TTK: variants seen among roughly 807,000 people sequenced by gnomAD.
TTK encodes the protein dual specificity protein kinase TTK.
In TTK, 59 loss-of-function variants were observed where a neutral mutation model predicts 117.3. The observed-to-expected ratio is 0.50, with a 90% CI of 0.41 to 0.62. The LOEUF is 0.62. TTK is among the 20% of genes least tolerant of loss of function. The pLI, the probability that TTK is intolerant of heterozygous loss-of-function variation, is 0.00. For synonymous variants in TTK, 302 were observed against 325.0 expected (o/e 0.93, Z 0.76); for missense variants, 921 against 989.4 (o/e 0.93, Z 0.93).
intron 5 of TTK, among the ~76,000 whole-genome samples, chr6:80,011,194 T>G (rs557550741): frequency 9.9e-5 from 15 of 151,986 alleles, no homozygotes; most frequent in East Asian, 9.6e-4. Flanking sequence ...GAGAATTTTT[T>G]TTTTTTTGCT....
rs200223255 is a variant in TTK, at chr6:80,013,228, AT to A, written c.897-41del. 8.7e-4 allele frequency: 1,211 copies of A among 1,392,112 alleles called. 9 individuals are homozygous for A. The East Asian group carries it at 0.02, about 23-fold the overall frequency. The allele number at this position is 1,392,112 out of a possible 1,614,324, so 86.2% of individuals were successfully genotyped here. ...CTTGAGATGAAAAAATACATTGAAA[AT>A]TTTTTTTTTCAAATTTAATGTTAAA... On this transcript the variant is annotated intron_variant, in intron 8 of 21. Transcript: ENST00000369798.
At chr6:80,015,267 A>G (rs780261212) in intron 10 of TTK, among the ~76,000 whole-genome samples, 6 of 152,228 alleles carry the variant, frequency 3.9e-5, no homozygotes, top group Non-Finnish European at 7.3e-5. Context: ...GAGACTGTCT[A>G]GTTATGCTGC....
At chr6:80,027,188 A>C (rs1237101558) in intron 12 of TTK, among the ~76,000 whole-genome samples, 1 of 152,198 alleles carries the variant, frequency 6.6e-6, no homozygotes, top group Non-Finnish European at 1.5e-5. Context: ...TTTCATTTTC[A>C]TAATGTAATC....
intron 12 of TTK, 56 bp from the exon 13 acceptor site, chr6:80,027,829 C>A: frequency 7.5e-7 from 1 of 1,327,116 alleles, no homozygotes; most frequent in South Asian, 1.6e-5. Flanking sequence ...GAAACTGAAT[C>A]AGACTTATTT....
intron 10 of TTK, among the ~76,000 whole-genome samples, chr6:80,020,218 C>G (rs939270663): frequency 2.6e-5 from 4 of 152,172 alleles, no homozygotes; most frequent in African/African-American, 9.7e-5. Context: ...ATGGCTAAAC[C>G]TTGTTTGCCC....
At position 80,034,989 on chromosome 6, in the gene TTK, T is replaced by C; in HGVS notation, c.1619T>C (p.Phe540Ser). The C allele has an allele frequency of 6.4e-7, 1 of 1,559,482 alleles. No individual in the cohort carries two copies. The highest frequency in any genetic ancestry group is 8.6e-7 in the Non-Finnish European group (1 of 1,158,326). Reference sequence around the variant, plus strand: ...TCTCTTTGTTCTACTCTGTAGGTATTTCAGGTGTTAAATGAAAAGAAACAG... The same window carrying C: ...TCTCTTTGTTCTACTCTGTAGGTATCTCAGGTGTTAAATGAAAAGAAACAG... ...QIGSGGSSKV[F>S]QVLNEKKQIY... The change falls in exon 15 of 22, where the codon TTT becomes TCT. Residue 540 changes from phenylalanine to serine, a missense_variant. By Grantham distance (155) the Phe-to-Ser change is radical. Coordinates refer to ENST00000369798, the MANE Select transcript of TTK (RefSeq NM_003318.5).
chr6:80,022,558 A>G, intron 11 of TTK, 86 bp downstream of exon 11: 1 of 1,377,446 alleles, frequency 7.3e-7, no homozygotes, highest in Non-Finnish European at 9.8e-7. Flanking sequence ...GTTTTCTTTT[A>G]TTAAATGTGT....
At chr6:80,005,445 G>T (rs1267651225) in intron 1 of TTK, among the ~76,000 whole-genome samples, 2 of 152,144 alleles carry the variant, frequency 1.3e-5, no homozygotes, top group Admixed American at 6.5e-5. Flanking sequence ...GGCGAATAAA[G>T]GAATTGTTAT....
At chr6:80,007,761 A>G (rs1173259667) in intron 2 of TTK, 48 bp from the exon 3 acceptor site, 3 of 1,495,972 alleles carry the variant, frequency 2.0e-6, no homozygotes, top group East Asian at 4.6e-5. Context: ...GCAATTTGGC[A>G]TTTGTTTTAT....
At position 80,007,991 on chromosome 6, in the gene TTK, A is replaced by ACAGG; in HGVS notation, c.322_323insCAGG (p.Ser108ThrfsTer5). The ACAGG allele has an allele frequency of 5.7e-5, 90 of 1,591,310 alleles. No homozygotes were observed. Among genetic ancestry groups the ACAGG allele is most frequent in the Middle Eastern group, 1.7e-4 (1 of 6,012 alleles). On this transcript the variant is annotated frameshift_variant, in exon 3 of 22. Coordinates refer to ENST00000369798, the MANE Select transcript of TTK (RefSeq NM_003318.5). LOFTEE classifies it high-confidence loss of function. ...CCCAGATAAATATGGCCAAAATGAG[A>ACAGG]GTTTTGCTAGAATTCAAGTGAGATT...
chr6:80,029,131 A>C (rs1363263730), intron 13 of TTK, among the ~76,000 whole-genome samples: 5 of 152,220 alleles, frequency 3.3e-5, no homozygotes, highest in African/African-American at 1.2e-4. Context: ...ACTGATAAAA[A>C]AATTAGCTGA....
chr6:80,040,238 G>C lies in TTK; in HGVS notation c.2350G>C (p.Glu784Gln), dbSNP rs755960167. The C allele has an allele frequency of 2.5e-6, 4 of 1,592,368 alleles. No individual in the cohort carries two copies. The South Asian group carries it at 4.6e-5, about 18-fold the overall frequency. ...RDPKQRISIP[E>Q]LLAHPYVQIQ... is the part of the protein sequence containing the mutation. ...CCCAAAACAGAGGATATCCATTCCT[G>C]AGCTCCTGGCTCATCCATATGTTCA... Residue 784 changes from glutamate (E) to glutamine (Q), a missense_variant, in exon 20 of 22, where the codon GAG becomes CAG. By Grantham distance (29) the Glu-to-Gln change is conservative. Transcript: ENST00000369798.
intron 1 of TTK, 99 bp downstream of exon 1, chr6:80,004,812 T>G (rs918357955): frequency 1.0e-4 from 9 of 89,118 alleles, no homozygotes; most frequent in Non-Finnish European, 1.4e-4. Context: ...TGGGGCGAGG[T>G]GGGGGCAGCT....
chr6:80,009,001 G>C (rs761258817), intron 4 of TTK, among the ~76,000 whole-genome samples: 2 of 137,620 alleles, frequency 1.5e-5, no homozygotes, highest in Middle Eastern at 3.7e-3. Flanking sequence ...AAATAAAAAA[G>C]TAAACTGCTG....
chr6:80,039,906 TAAAA>T, intron 19 of TTK, 34 bp downstream of exon 19: 4 of 1,396,012 alleles, frequency 2.9e-6, no homozygotes, highest in Non-Finnish European at 3.8e-6. Flanking sequence ...ATTATTTACT[TAAAA>T]GAAATAGTTG....
intron 17 of TTK, 54 bp from the exon 18 acceptor site, chr6:80,037,913 A>G (rs1684251453): frequency 1.8e-6 from 2 of 1,088,792 alleles, no homozygotes; most frequent in African/African-American, 1.7e-5. Flanking sequence ...AAAAAAATCT[A>G]AAGCAGAATT....
chr6:80,010,783 TA>T, intron 4 of TTK, 30 bp from the exon 5 acceptor site: 1 of 1,345,984 alleles, frequency 7.4e-7, no homozygotes, highest in Non-Finnish European at 1.0e-6. Flanking sequence ...TTTTACTGCC[TA>T]AAAATGACAA....
chr6:80,007,191 G>A (rs1767015355), intron 2 of TTK, among the ~76,000 whole-genome samples: 2 of 152,130 alleles, frequency 1.3e-5, no homozygotes, highest in Non-Finnish European at 2.9e-5. Context: ...CGGTAACTAT[G>A]AGTTTGTTGG....
intron 8 of TTK, 78 bp downstream of exon 8, chr6:80,012,058 T>A: frequency 9.2e-7 from 1 of 1,085,936 alleles, no homozygotes; most frequent in Non-Finnish European, 1.3e-6. Context: ...AGTCTTTTAC[T>A]GAGTAATAGT....
Sources: allele counts gnomAD v4.1 joint callset (sites outside exome capture counted in the v4.1 genomes callset), GRCh38; gene constraint gnomAD v4.1.1; transcripts MANE v1.5; gene names NCBI Gene and HGNC (gene_info 2026-07-23, HGNC 2026-07-21).